PPARA: variants seen among roughly 807,000 people sequenced by gnomAD.
The protein encoded by PPARA is peroxisome proliferator-activated receptor alpha.
A neutral mutation model predicts 42.2 loss-of-function variants in PPARA; 22 were observed. The ratio of observed to expected loss-of-function variants is 0.52; its 90% CI spans 0.37 to 0.74. The LOEUF is 0.74. Among genes scored for constraint, PPARA ranks in the 30% least tolerant of loss-of-function variants. The probability of loss-of-function intolerance (pLI) is 0.00; values close to 1 mark genes in which losing one functional copy is unlikely to be tolerated. For synonymous variants in PPARA, 242 were observed against 239.3 expected (o/e 1.01, Z -0.10); for missense variants, 465 against 608.2 (o/e 0.76, Z 2.48).
At chr22:46,157,430 G>C (rs531455880) in intron 2 of PPARA, among the ~76,000 whole-genome samples, 1 of 152,258 alleles carries the variant, frequency 6.6e-6, no homozygotes, top group African/African-American at 2.4e-5. Flanking sequence ...CACCTAGACT[G>C]AGAGAGAGCT....
rs1926290594 is a variant in PPARA, at chr22:46,162,184, C to T, written c.-127+10214C>T. On this transcript the variant is annotated intron_variant, in intron 2 of 8. Transcript: ENST00000407236. The surrounding 1 kb of genome is among the most constrained non-coding windows in gnomAD (Gnocchi z 6.0). The stretch of plus-strand genomic sequence containing the variant: ...GTTTCCCTCAGCTACAAGAGGGGTG[C>T]ATGCTAGGGTTTCTCTGGATTGCTG... Among the ~76,000 whole-genome samples, 1 of 152,172 alleles carries T rather than the reference C, an allele frequency of 6.6e-6. No individual in the cohort carries two copies.
chr22:46,207,954 G>A lies in PPARA; in HGVS notation c.209-7219G>A, dbSNP rs563871582. 1.0e-3 allele frequency among the ~76,000 whole-genome samples: 154 copies of A among 151,836 alleles called. 1 individual carries two copies. Among genetic ancestry groups the A allele is most frequent in the African/African-American group, 3.5e-3 (144 of 41,448 alleles). ...CCTACCTCTGCCTCCCGAAGTGTTG[G>A]GATTACAGGGATTACAAGTGTGAGC... On this transcript the variant is annotated intron_variant, in intron 4 of 8. Coordinates refer to ENST00000407236, the MANE Select transcript of PPARA (RefSeq NM_005036.6).
intron 4 of PPARA, among the ~76,000 whole-genome samples, chr22:46,210,647 A>G (rs1490947962): frequency 6.6e-6 from 1 of 151,940 alleles, no homozygotes; most frequent in Non-Finnish European, 1.5e-5. Flanking sequence ...TTTCACCATG[A>G]TGGCCAAGCT....
chr22:46,155,298 C>G (rs941197317), intron 2 of PPARA: 13 of 152,014 alleles, frequency 8.6e-5, no homozygotes, highest in African/African-American at 2.2e-4. Flanking sequence ...GGTAGCCTGG[C>G]ATAGAGTCCA....
At chr22:46,223,713 GC>G (rs2147625674) in intron 7 of PPARA, among the ~76,000 whole-genome samples, 1 of 150,944 alleles carries the variant, frequency 6.6e-6, no homozygotes, top group Non-Finnish European at 1.5e-5. Flanking sequence ...ACTGTGGGAG[GC>G]AGAGGAGGGC....
chr22:46,219,782 C>T lies in PPARA; in HGVS notation c.509-30C>T. ...TCCGCGCAGTCATGACCTCACTGCT[C>T]ATGCCTGTGTTTCCCCCTCCAAACC... On this transcript the variant is annotated intron_variant, in intron 6 of 8. Coordinates refer to ENST00000407236, the MANE Select transcript of PPARA (RefSeq NM_005036.6). This position sits in a 1 kb window ranked among gnomAD's most constrained non-coding sequence, Gnocchi z 4.8. 6.2e-7 allele frequency: 1 copy of T among 1,611,530 alleles called. No homozygotes were observed. Among genetic ancestry groups the T allele is most frequent in the East Asian group, 2.2e-5 (1 of 44,866 alleles).
chr22:46,205,272 A>C (rs999563039), intron 4 of PPARA, among the ~76,000 whole-genome samples: 1 of 151,518 alleles, frequency 6.6e-6, no homozygotes, highest in Non-Finnish European at 1.5e-5. Flanking sequence ...GCTGGAGTTC[A>C]GTGGCATGAT....
chr22:46,159,446 C>A (rs1925824131), intron 2 of PPARA, among the ~76,000 whole-genome samples: 1 of 152,248 alleles, frequency 6.6e-6, no homozygotes, highest in African/African-American at 2.4e-5. Context: ...TGTTACAGAA[C>A]CTGTCACCAG....
intron 2 of PPARA, among the ~76,000 whole-genome samples, chr22:46,166,386 G>A (rs563741220): frequency 2.6e-5 from 4 of 152,318 alleles, no homozygotes; most frequent in African/African-American, 9.6e-5. Flanking sequence ...GGGAGGCTGA[G>A]GCAGGTGGAT....
rs1418472682 is a variant in PPARA, at chr22:46,200,815, C to T, written c.208+2224C>T. The stretch of plus-strand genomic sequence containing the variant: ...TGCCTGTAATCCCAGCTACTCTACT[C>T]AGGAGGCTGAGGCAGGGAGAATTGC... On this transcript the variant is annotated intron_variant, in intron 4 of 8. Transcript: ENST00000407236. The surrounding 1 kb of genome is among the most constrained non-coding windows in gnomAD (Gnocchi z 4.8). Among the ~76,000 whole-genome samples the T allele has an allele frequency of 6.6e-6, 1 of 151,962 alleles. No homozygotes were observed. The highest frequency in any genetic ancestry group is 1.5e-5 in the Non-Finnish European group (1 of 68,002).
At chr22:46,189,566 TAG>T (rs1931257691) in intron 3 of PPARA, among the ~76,000 whole-genome samples, 1 of 152,256 alleles carries the variant, frequency 6.6e-6, no homozygotes, top group African/African-American at 2.4e-5. Flanking sequence ...TTCATTAAGA[TAG>T]AGTGTCTTTA....
chr22:46,207,580 G>A (rs1341588218), intron 4 of PPARA, among the ~76,000 whole-genome samples: 1 of 148,236 alleles, frequency 6.7e-6, no homozygotes, highest in Non-Finnish European at 1.5e-5. Context: ...ACCGAGCCTG[G>A]CCACTTTTTT....
Position 46,211,818 on chromosome 22 carries a change from T to C in PPARA, c.209-3355T>C, listed in dbSNP as rs1447537145. Among the ~76,000 whole-genome samples the C allele has an allele frequency of 6.6e-6, 1 of 152,074 alleles. No individual in the cohort carries two copies. Among genetic ancestry groups the C allele is most frequent in the Non-Finnish European group, 1.5e-5 (1 of 67,998 alleles). On this transcript the variant is annotated intron_variant, in intron 4 of 8. Transcript: ENST00000407236. This position sits in a 1 kb window ranked among gnomAD's most constrained non-coding sequence, Gnocchi z 4.1. ...CTGCTGCCTCAGCTTCCCGAGTAGC[T>C]GGGACTACAGGCACGCACCACCACC...
At position 46,208,335 on chromosome 22, in the gene PPARA, G is replaced by A. The variant is rs184039129; in HGVS notation, c.209-6838G>A. Among the ~76,000 whole-genome samples, 3 of 152,120 alleles carry A rather than the reference G, an allele frequency of 2.0e-5. No homozygotes were observed. In the East Asian group the frequency reaches 5.8e-4, roughly 29 times the overall value. ...GGCCGAGGCGAGTGGATCACTTGAG[G>A]TCAGGAGTTCAAGACTAGCCTGGCC... On this transcript the variant is annotated intron_variant, in intron 4 of 8. Coordinates refer to ENST00000407236, the MANE Select transcript of PPARA (RefSeq NM_005036.6).
chr22:46,213,620 C>T (rs1334081286), intron 4 of PPARA, among the ~76,000 whole-genome samples: 7 of 149,200 alleles, frequency 4.7e-5, no homozygotes, highest in Admixed American at 6.7e-5. Context: ...GATGAAGTCT[C>T]GCTCTGTCAC....
In PPARA at chr22:46,222,846, C is replaced by T. The variant is rs547744579; in HGVS notation, c.711+2832C>T. Among the ~76,000 whole-genome samples the T allele has an allele frequency of 5.9e-5, 9 of 152,136 alleles. No homozygotes were observed. The East Asian group carries it at 9.7e-4, about 16-fold the overall frequency. On this transcript the variant is annotated intron_variant, in intron 7 of 8. Coordinates refer to ENST00000407236, the MANE Select transcript of PPARA (RefSeq NM_005036.6). The surrounding 1 kb of genome is among the most constrained non-coding windows in gnomAD (Gnocchi z 5.9). The stretch of plus-strand genomic sequence containing the variant: ...GAGACCAGGCAACACAAGGAGACCT[C>T]GTCTCTACAAAAAATGATTTTTTAA...
At position 46,195,749 on chromosome 22, in the gene PPARA, G is replaced by A. The variant is rs570913635; in HGVS notation, c.-42-2593G>A. On this transcript the variant is annotated intron_variant, in intron 3 of 8. Coordinates refer to ENST00000407236, the MANE Select transcript of PPARA (RefSeq NM_005036.6). This position sits in a 1 kb window ranked among gnomAD's most constrained non-coding sequence, Gnocchi z 4.6. ...CTCTATCTGGAGAGTCTGGCGTTCC[G>A]TAATCACCATGTGATGACGGCTGCC... is the stretch of plus-strand genomic sequence containing the variant. Among the ~76,000 whole-genome samples, 6 of 152,226 alleles carry A rather than the reference G, an allele frequency of 3.9e-5. No homozygotes were observed. Among genetic ancestry groups the A allele is most frequent in the South Asian group, 4.2e-4 (2 of 4,818 alleles).
In PPARA at chr22:46,200,182, G is replaced by T. The variant is rs2147402026; in HGVS notation, c.208+1591G>T. ...CCCATGGGGACTGTAATTCTCTCTA[G>T]GTTGTATATTTTTAAAAGACTTCAG... On this transcript the variant is annotated intron_variant, in intron 4 of 8. Coordinates refer to ENST00000407236, the MANE Select transcript of PPARA (RefSeq NM_005036.6). The surrounding 1 kb of genome is among the most constrained non-coding windows in gnomAD (Gnocchi z 4.8). 6.6e-6 allele frequency among the ~76,000 whole-genome samples: 1 copy of T among 152,346 alleles called. No individual in the cohort carries two copies. The highest frequency in any genetic ancestry group is 1.5e-5 in the Non-Finnish European group (1 of 68,034).
rs868291730 is a variant in PPARA at position 46,162,731 on chromosome 22, G to A, written c.-127+10761G>A. Reference sequence around the variant, plus strand: ...CTGTGGCTCCTGCCGGGTACCCACCGGTTGAGATACCTCAAGTTTTAAATG... The same window carrying A: ...CTGTGGCTCCTGCCGGGTACCCACCAGTTGAGATACCTCAAGTTTTAAATG... On this transcript the variant is annotated intron_variant, in intron 2 of 8. Transcript: ENST00000407236. The surrounding 1 kb of genome is among the most constrained non-coding windows in gnomAD (Gnocchi z 6.0). Among the ~76,000 whole-genome samples, 2 of 152,114 alleles carry A rather than the reference G, an allele frequency of 1.3e-5. No homozygotes were observed. The highest frequency in any genetic ancestry group is 2.9e-5 in the Non-Finnish European group (2 of 68,038).
Sources: allele counts gnomAD v4.1 joint callset (sites outside exome capture counted in the v4.1 genomes callset), GRCh38; gene constraint gnomAD v4.1.1; non-coding constraint Gnocchi (gnomAD v3.1); transcripts MANE v1.5; gene names NCBI Gene and HGNC (gene_info 2026-07-23, HGNC 2026-07-21).